The following TRMT2B variants were observed in gnomAD, a reference collection of about 807,000 sequenced individuals.
TRMT2B encodes the protein tRNA methyltransferase 2B.
Under a neutral mutation model 39.7 loss-of-function variants are expected in TRMT2B, and 34 were observed. The observed-to-expected ratio is 0.86, with a 90% CI of 0.65 to 1.14. TRMT2B has a LOEUF of 1.14. TRMT2B is among the 50% of genes most tolerant of loss of function. The pLI, the probability that TRMT2B is intolerant of heterozygous loss-of-function variation, is 0.00. For synonymous variants in TRMT2B, 132 were observed against 137.3 expected (o/e 0.96, Z 0.27); for missense variants, 318 against 377.2 (o/e 0.84, Z 1.30).
intron 13 of TRMT2B, among the ~76,000 whole-genome samples, chrX:101,012,124 GT>G (rs1223485446): frequency 2.3e-4 from 25 of 110,790 alleles, no homozygotes; most frequent in African/African-American, 7.8e-4. Flanking sequence ...TTATTATCCA[GT>G]ATTATGTACT....
At chrX:101,003,914 T>C in the TRMT2B span, among the ~76,000 whole-genome samples, 2 of 111,489 alleles carry the variant, frequency 1.8e-5, no homozygotes, top group Non-Finnish European at 1.9e-5. Flanking sequence ...CACTGCAGCC[T>C]CAACCTCCTG....
At chrX:101,035,528 G>A (rs765247101) in intron 7 of TRMT2B, 85 bp downstream of exon 7, 1 of 818,452 alleles carries the variant, frequency 1.2e-6, no homozygotes, top group African/African-American at 2.0e-5. Flanking sequence ...ACTAGAATTG[G>A]CTCTATTATC....
intron 2 of TRMT2B, among the ~76,000 whole-genome samples, chrX:101,047,251 T>C (rs998456847): frequency 1.6e-4 from 18 of 109,424 alleles, no homozygotes; most frequent in Non-Finnish European, 2.8e-4. Context: ...TAGACAGGTA[T>C]GTTTGTGAAA....
chrX:101,015,206 T>A (rs1161463557), intron 13 of TRMT2B, among the ~76,000 whole-genome samples: 2 of 111,542 alleles, frequency 1.8e-5, no homozygotes, highest in African/African-American at 6.5e-5. Flanking sequence ...AATATTGCAA[T>A]GAGTAACTTT....
chrX:100,985,803 C>T, the TRMT2B span: 1 of 1,211,469 alleles, frequency 8.3e-7, no homozygotes, highest in South Asian at 1.8e-5. Context: ...ATGCACAGGC[C>T]CATGGGCTTG....
chrX:101,037,411 G>C (rs993058376), intron 5 of TRMT2B: 2 of 196,770 alleles, frequency 1.0e-5, no homozygotes, highest in Non-Finnish European at 1.8e-5. Flanking sequence ...AAGTGAGCTT[G>C]GCTGTGTTCC....
At chrX:101,021,006 C>T (rs940341413) in intron 10 of TRMT2B, 95 bp downstream of exon 10, 1 of 781,325 alleles carries the variant, frequency 1.3e-6, no homozygotes, top group African/African-American at 2.1e-5. Context: ...GTTATACCTG[C>T]ACCACTACCA....
intron 2 of TRMT2B, among the ~76,000 whole-genome samples, chrX:101,049,487 C>G (rs11798150): frequency 1.4e-4 from 3 of 21,641 alleles, no homozygotes; most frequent in Non-Finnish European, 2.1e-4. Context: ...ACCCTGTCTC[C>G]AAAAAAAAAA....
chrX:101,051,084 C>A (rs867657390), intron 2 of TRMT2B, among the ~76,000 whole-genome samples, 167 bp downstream of exon 2: 101 of 74,916 alleles, frequency 1.3e-3, no homozygotes, highest in Admixed American at 1.9e-3. Flanking sequence ...TTTTCCTCAG[C>A]AAAAAAAAAA....
At chrX:101,004,631 A>G (rs2086088741), downstream of TRMT2B, among the ~76,000 whole-genome samples, 1 of 110,665 alleles carries the variant, frequency 9.0e-6, no homozygotes, top group Non-Finnish European at 1.9e-5. Context: ...CCTCCCAAGT[A>G]GCTGAGATCA....
intron 7 of TRMT2B, among the ~76,000 whole-genome samples, chrX:101,025,284 A>AT (rs1339012520): frequency 9.0e-6 from 1 of 111,195 alleles, no homozygotes; most frequent in East Asian, 2.8e-4. Flanking sequence ...TCATTTCTAT[A>AT]TTTTTTCATA....
intron 7 of TRMT2B, among the ~76,000 whole-genome samples, chrX:101,029,134 A>C (rs929494101): frequency 5.4e-5 from 6 of 111,505 alleles, no homozygotes; most frequent in Non-Finnish European, 7.5e-5. Context: ...GCCTGGGTCT[A>C]CTGTCAATTC....
At position 101,037,969 on chromosome X, in the gene TRMT2B, G is replaced by A; in HGVS notation, c.386C>T (p.Ala129Val). 2 of 1,210,025 alleles carry A rather than the reference G, an allele frequency of 1.7e-6. No individual in the cohort carries two copies. The highest frequency in any genetic ancestry group is 2.2e-6 in the Non-Finnish European group (2 of 894,271). ...QMLNGVSVTT[A>V]VPKSERLSCL... ...AGAGAGCCTCTCAGATTTGGGTACA[G>A]CCGTTGTCACACTGACTCCATTGAG... The change falls in exon 5 of 14, where the codon GCT (alanine) becomes GTT (valine). Residue 129 changes from alanine to valine, a missense_variant. Coordinates refer to ENST00000372936, the MANE Select transcript of TRMT2B (RefSeq NM_024917.6).
At chrX:100,999,882 T>A in the TRMT2B span, among the ~76,000 whole-genome samples, 4 of 111,771 alleles carry the variant, frequency 3.6e-5, no homozygotes, top group African/African-American at 1.3e-4. Context: ...GGAAGTTTTG[T>A]AAAAAGATCC....
intron 13 of TRMT2B, among the ~76,000 whole-genome samples, chrX:101,011,730 C>T (rs2086261893): frequency 9.0e-6 from 1 of 110,548 alleles, no homozygotes; most frequent in African/African-American, 3.3e-5. Context: ...CCTGTCTCTA[C>T]AAAAAACACA....
intron 6 of TRMT2B, among the ~76,000 whole-genome samples, 191 bp from the exon 7 acceptor site, chrX:101,035,874 G>A (rs760184986): frequency 8.9e-6 from 1 of 111,976 alleles, no homozygotes; most frequent in South Asian, 3.7e-4. Flanking sequence ...AATTATTTAT[G>A]AAGCTACTCA....
the TRMT2B span, chrX:100,986,939 C>A: frequency 1.0e-6 from 1 of 981,071 alleles, no homozygotes; most frequent in Non-Finnish European, 1.4e-6. Context: ...TCCTCTGGAG[C>A]CCAGCTGATG....
At chrX:100,988,950 T>C in the TRMT2B span, among the ~76,000 whole-genome samples, 1 of 104,456 alleles carries the variant, frequency 9.6e-6, no homozygotes, top group African/African-American at 3.5e-5. Flanking sequence ...CCAAGGATAA[T>C]TACGCAAGTA....
the TRMT2B span, among the ~76,000 whole-genome samples, chrX:100,973,492 C>T: frequency 2.7e-5 from 3 of 110,421 alleles, no homozygotes; most frequent in Non-Finnish European, 5.7e-5. Context: ...ATCCTCCCGG[C>T]GGTCGGGCGG....
Sources: allele counts gnomAD v4.1 joint callset (sites outside exome capture counted in the v4.1 genomes callset), GRCh38; gene constraint gnomAD v4.1.1; transcripts MANE v1.5; gene names NCBI Gene and HGNC (gene_info 2026-07-23, HGNC 2026-07-21).